CDH18: variants seen among roughly 807,000 people sequenced by gnomAD.
CDH18 encodes the protein cadherin 18.
CDH18 carries 31 observed loss-of-function variants against 67.9 expected under a neutral mutation model. The ratio of observed to expected loss-of-function variants is 0.46; its 90% CI spans 0.34 to 0.62. The LOEUF is 0.62. CDH18 is among the 20% of genes least tolerant of loss of function. CDH18 has a pLI of 0.01. For synonymous variants in CDH18, 362 were observed against 347.2 expected (o/e 1.04, Z -0.48); for missense variants, 890 against 975.5 (o/e 0.91, Z 1.17).
At chr5:19,735,181 A>G (rs1326948186) in intron 4 of CDH18, among the ~76,000 whole-genome samples, 11 of 152,158 alleles carry the variant, frequency 7.2e-5, no homozygotes, top group Non-Finnish European at 1.0e-4. Flanking sequence ...AACAGAGTCC[A>G]TGAAATGTCA....
At chr5:19,982,265 C>T (rs1333948771) in intron 1 of CDH18, among the ~76,000 whole-genome samples, 2 of 151,966 alleles carry the variant, frequency 1.3e-5, no homozygotes, top group Non-Finnish European at 2.9e-5. Flanking sequence ...AAATTCACTA[C>T]AACCAAAATA....
chr5:20,376,180 G>C (rs527794653), intron 1 of CDH18, among the ~76,000 whole-genome samples: 1 of 140,808 alleles, frequency 7.1e-6, no homozygotes, highest in African/African-American at 2.7e-5. Context: ...TGCAGGCTCC[G>C]CCTCCCGGGT....
At chr5:19,638,137 T>C (rs576496487) in intron 5 of CDH18, among the ~76,000 whole-genome samples, 1 of 152,270 alleles carries the variant, frequency 6.6e-6, no homozygotes, top group East Asian at 1.9e-4. Flanking sequence ...ACATAACAAG[T>C]CGACAGTAAA....
At chr5:19,732,002 A>C (rs1475413556) in intron 4 of CDH18, among the ~76,000 whole-genome samples, 4 of 151,994 alleles carry the variant, frequency 2.6e-5, no homozygotes, top group Non-Finnish European at 5.9e-5. Flanking sequence ...AGGTAGGATA[A>C]TCAATTGACC....
intron 2 of CDH18, among the ~76,000 whole-genome samples, chr5:20,236,115 T>C (rs1341440967): frequency 6.6e-6 from 1 of 152,064 alleles, no homozygotes. Context: ...AATCTACCTG[T>C]TGGGTACTAT....
chr5:20,188,868 C>T (rs1738314070), intron 2 of CDH18, among the ~76,000 whole-genome samples: 1 of 146,038 alleles, frequency 6.8e-6, no homozygotes, highest in Admixed American at 6.8e-5. Context: ...AAAAAATCCA[C>T]TCTCTCCAAA....
intron 3 of CDH18, among the ~76,000 whole-genome samples, chr5:19,785,773 T>C (rs1287270076): frequency 7.5e-6 from 1 of 133,782 alleles, no homozygotes; most frequent in African/African-American, 2.8e-5. Context: ...CATAGAGGTT[T>C]CATGAAGATT....
intron 2 of CDH18, among the ~76,000 whole-genome samples, chr5:20,151,870 T>A (rs1182439031): frequency 6.6e-6 from 1 of 151,824 alleles, no homozygotes; most frequent in Admixed American, 6.6e-5. Flanking sequence ...TCACATGAGT[T>A]CAATATCAAT....
chr5:20,056,528 T>C (rs1741985791), intron 2 of CDH18, among the ~76,000 whole-genome samples: 1 of 140,832 alleles, frequency 7.1e-6, no homozygotes, highest in African/African-American at 2.7e-5. Flanking sequence ...TTGGTTCCAG[T>C]TCATTTTGTC....
intron 2 of CDH18, among the ~76,000 whole-genome samples, chr5:19,846,874 G>T (rs1488467065): frequency 1.3e-5 from 2 of 152,104 alleles, no homozygotes; most frequent in East Asian, 3.9e-4. Context: ...ACTTTTGAAG[G>T]TCAGACTTGC....
chr5:20,340,796 C>T (rs754276899), intron 1 of CDH18, among the ~76,000 whole-genome samples: 3 of 152,130 alleles, frequency 2.0e-5, no homozygotes, highest in African/African-American at 4.8e-5. Flanking sequence ...GTAGCATGAC[C>T]GTGATGAACA....
chr5:19,720,223 A>G (rs937499108), intron 5 of CDH18, among the ~76,000 whole-genome samples: 1 of 152,156 alleles, frequency 6.6e-6, no homozygotes, highest in African/African-American at 2.4e-5. Context: ...GGTTCCCTGA[A>G]AAATGGGTTA....
At chr5:19,620,658 T>C (rs1393860530) in intron 5 of CDH18, among the ~76,000 whole-genome samples, 1 of 152,220 alleles carries the variant, frequency 6.6e-6, no homozygotes, top group African/African-American at 2.4e-5. Context: ...TGTAGTTATT[T>C]TAATACATCA....
rs547081070 is a variant in CDH18, at chr5:20,426,863, C to A, written c.-580+148599G>T. 2.6e-5 allele frequency among the ~76,000 whole-genome samples: 4 copies of A among 151,234 alleles called. No individual in the cohort carries two copies. The East Asian group carries it at 7.7e-4, about 29-fold the overall frequency. On this transcript the variant is annotated intron_variant, in intron 1 of 14. Coordinates refer to the CDH18 transcript ENST00000507958. ...ATTTGCAGGGCTGACAAGGGTATGG[C>A]TTCTGTAAAATCTGGCTATGTCAAT...
At chr5:20,492,090 G>A (rs1018614753) in intron 1 of CDH18, among the ~76,000 whole-genome samples, 4 of 151,594 alleles carry the variant, frequency 2.6e-5, no homozygotes, top group African/African-American at 9.7e-5. Context: ...TAATAATTTT[G>A]ATAAACAAAT....
chr5:19,785,508 G>A (rs1420458275), intron 3 of CDH18, among the ~76,000 whole-genome samples: 5 of 149,984 alleles, frequency 3.3e-5, no homozygotes, highest in African/African-American at 1.2e-4. Context: ...CAAAAAATTA[G>A]CCAGGCATGG....
chr5:20,306,516 T>C (rs1736475079), intron 1 of CDH18, among the ~76,000 whole-genome samples: 1 of 119,348 alleles, frequency 8.4e-6, no homozygotes, highest in South Asian at 2.7e-4. Flanking sequence ...AGGATTTGCC[T>C]CAACAAATGG....
chr5:19,545,136 C>T (rs1469489842), intron 8 of CDH18, among the ~76,000 whole-genome samples: 1 of 152,138 alleles, frequency 6.6e-6, no homozygotes, highest in South Asian at 2.1e-4. Context: ...CTCCTAAAGC[C>T]TCTAATGCTT....
chr5:20,033,756 G>A (rs1378998687), intron 2 of CDH18, among the ~76,000 whole-genome samples: 1 of 151,918 alleles, frequency 6.6e-6, no homozygotes, highest in Non-Finnish European at 1.5e-5. Context: ...AACTAATCTA[G>A]TCCATTAACA....
Sources: gnomAD v4.1 joint callset for allele counts (sites outside exome capture counted in the v4.1 genomes callset) on GRCh38, gnomAD v4.1.1 for gene constraint, MANE v1.5 for transcripts, NCBI Gene and HGNC (gene_info 2026-07-23, HGNC 2026-07-21) for gene names.